Variants in PCNX1 observed in about 807,000 individuals in gnomAD.
The protein encoded by PCNX1 is pecanex-like protein 1.
Under a neutral mutation model 242.2 loss-of-function variants are expected in PCNX1, and 78 were observed. The observed-to-expected ratio is 0.32, with a 90% CI of 0.27 to 0.39. The LOEUF (loss-of-function observed/expected upper bound fraction) is 0.39. Ranked by LOEUF, PCNX1 falls within the 10% of genes least tolerant of loss-of-function variation. The pLI, the probability that PCNX1 is intolerant of heterozygous loss-of-function variation, is 1.00. For missense variants in PCNX1, 2,581 were observed against 2,856.5 expected (o/e 0.90, Z 2.20); for synonymous variants, 1,024 against 1,032.9 (o/e 0.99, Z 0.17).
intron 5 of PCNX1, among the ~76,000 whole-genome samples, chr14:70,973,212 C>T (rs2058592526): frequency 6.9e-6 from 1 of 145,726 alleles, no homozygotes; most frequent in South Asian, 2.1e-4. Context: ...ATGATTGCAG[C>T]ACTACACTCC....
At chr14:71,029,275 T>C (rs2060318901) in intron 16 of PCNX1, among the ~76,000 whole-genome samples, 1 of 152,182 alleles carries the variant, frequency 6.6e-6, no homozygotes. Context: ...CTTTAAAAGA[T>C]TGTCAACAAG....
chr14:70,986,150 A>G (rs1057496308), intron 6 of PCNX1, among the ~76,000 whole-genome samples: 1 of 152,224 alleles, frequency 6.6e-6, no homozygotes, highest in Non-Finnish European at 1.5e-5. Flanking sequence ...TCCCAGGGGC[A>G]TGGCTTAATC....
At chr14:71,025,151 G>A (rs1209072374) in intron 13 of PCNX1, among the ~76,000 whole-genome samples, 1 of 152,076 alleles carries the variant, frequency 6.6e-6, no homozygotes, top group African/African-American at 2.4e-5. Flanking sequence ...ATACTATAAG[G>A]AAGAGCTTTC....
At chr14:70,992,031 A>G (rs986396350) in intron 7 of PCNX1, among the ~76,000 whole-genome samples, 3 of 152,208 alleles carry the variant, frequency 2.0e-5, no homozygotes, top group African/African-American at 7.2e-5. Context: ...TATAATGCTT[A>G]TAAGAATATA....
chr14:71,019,203 G>T, intron 12 of PCNX1, 41 bp downstream of exon 12: 1 of 1,497,762 alleles, frequency 6.7e-7, no homozygotes, highest in South Asian at 1.3e-5. Flanking sequence ...AATTATATTT[G>T]TGTTAAAAGG....
chr14:70,973,735 G>T (rs1341877552), intron 5 of PCNX1, among the ~76,000 whole-genome samples: 1 of 151,810 alleles, frequency 6.6e-6, no homozygotes, highest in Non-Finnish European at 1.5e-5. Context: ...GAGAAAGAAG[G>T]TATGATTTTT....
intron 6 of PCNX1, among the ~76,000 whole-genome samples, chr14:70,984,675 C>T (rs1259744574): frequency 6.6e-6 from 1 of 151,998 alleles, no homozygotes; most frequent in African/African-American, 2.4e-5. Context: ...CGTGAGCCAC[C>T]GCGACCTGCC....
At position 71,067,793 on chromosome 14, in the gene PCNX1, C is replaced by G. The variant is rs150729639; in HGVS notation, c.4853-5752C>G. Among the ~76,000 whole-genome samples the G allele has an allele frequency of 3.2e-3, 481 of 152,130 alleles. 2 individuals carry two copies. Among genetic ancestry groups the G allele is most frequent in the Middle Eastern group, 0.01 (3 of 294 alleles). ...CTGCTTTAGCTGTGTCCCAGAGATTCTGGTACGTTGTGTCTTTGTTCTTAT... is the reference window on the plus strand; with the variant it reads ...CTGCTTTAGCTGTGTCCCAGAGATTGTGGTACGTTGTGTCTTTGTTCTTAT... On this transcript the variant is annotated intron_variant, in intron 26 of 35. Coordinates refer to ENST00000304743, the MANE Select transcript of PCNX1 (RefSeq NM_014982.3).
rs1039270790 is a variant in PCNX1, at chr14:70,941,242, T to G, written c.154-5673T>G. On this transcript the variant is annotated intron_variant, in intron 1 of 35. Coordinates refer to ENST00000304743, the MANE Select transcript of PCNX1 (RefSeq NM_014982.3). ...GAATTTTCATCTTTTCTGCTCTGGT[T>G]TCTCCCCATCTTTGTGGTTTTATCT... Among the ~76,000 whole-genome samples, 27 of 152,362 alleles carry G rather than the reference T, an allele frequency of 1.8e-4. No individual in the cohort carries two copies. In the South Asian group the frequency reaches 5.4e-3, roughly 30 times the overall value.
Position 70,968,250 on chromosome 14 carries a change from G to A in PCNX1, c.514+7G>A, listed in dbSNP as rs760566280. On this transcript the variant is annotated splice_region_variant and intron_variant, in intron 4 of 35. Coordinates refer to ENST00000304743, the MANE Select transcript of PCNX1 (RefSeq NM_014982.3). ...ACAGCAGCAACTATTAAAGGTAGGT[G>A]TGATCTAACTTAAAAGTTGCACCTG... 1.9e-6 allele frequency: 3 copies of A among 1,609,210 alleles called. No individual in the cohort carries two copies. The highest frequency in any genetic ancestry group is 2.6e-6 in the Non-Finnish European group (3 of 1,175,738).
At chr14:70,922,062 T>A (rs1306888084) in intron 1 of PCNX1, among the ~76,000 whole-genome samples, 1 of 152,208 alleles carries the variant, frequency 6.6e-6, no homozygotes, top group Non-Finnish European at 1.5e-5. Flanking sequence ...TAGGTTTTAG[T>A]TTAACTCATC....
chr14:71,010,211 A>G (rs1485126307), intron 9 of PCNX1, among the ~76,000 whole-genome samples: 1 of 152,112 alleles, frequency 6.6e-6, no homozygotes, highest in Non-Finnish European at 1.5e-5. Context: ...TATCCCGAAG[A>G]TCTTACAGTG....
At chr14:70,948,063 T>G (rs1450583501) in intron 2 of PCNX1, among the ~76,000 whole-genome samples, 1 of 152,176 alleles carries the variant, frequency 6.6e-6, no homozygotes. Context: ...GAACCCTGTT[T>G]CCTGTTAAGA....
chr14:71,060,380 AG>A (rs2061296596), intron 26 of PCNX1, among the ~76,000 whole-genome samples: 1 of 152,092 alleles, frequency 6.6e-6, no homozygotes, highest in African/African-American at 2.4e-5. Context: ...CCTTGTACTT[AG>A]AAAAAAAAGT....
chr14:71,025,835 TTCCAGTCTGGGCGACA>T (rs1305478191), intron 13 of PCNX1, among the ~76,000 whole-genome samples: 23 of 152,074 alleles, frequency 1.5e-4, no homozygotes, highest in Non-Finnish European at 1.5e-5. Context: ...CTCTACTGCA[TTCCAGTCTGGGCGACA>T]GAGTGAGACC....
intron 19 of PCNX1, among the ~76,000 whole-genome samples, chr14:71,041,121 A>G (rs1185249920): frequency 1.3e-5 from 2 of 152,206 alleles, no homozygotes; most frequent in Non-Finnish European, 2.9e-5. Context: ...TAATATGAAC[A>G]GTGCTGCAAC....
chr14:70,968,120 A>G, intron 3 of PCNX1, 78 bp from the exon 4 acceptor site: 1 of 963,008 alleles, frequency 1.0e-6, no homozygotes, highest in Non-Finnish European at 1.7e-6. Flanking sequence ...ATTTTGTTTG[A>G]TAATCTTGCT....
chr14:71,031,696 A>C, intron 16 of PCNX1: 1 of 819,320 alleles, frequency 1.2e-6, no homozygotes, highest in Non-Finnish European at 2.1e-6. Flanking sequence ...CATGAGCCCC[A>C]GAGCTAAGTG....
intron 1 of PCNX1, among the ~76,000 whole-genome samples, chr14:70,941,223 T>G (rs1162737055): frequency 6.6e-6 from 1 of 152,346 alleles, no homozygotes; most frequent in Non-Finnish European, 1.5e-5. Context: ...TTTAGAATTT[T>G]CATCTTTTCT....
Sources: allele counts gnomAD v4.1 joint callset (sites outside exome capture counted in the v4.1 genomes callset), GRCh38; gene constraint gnomAD v4.1.1; transcripts MANE v1.5; gene names NCBI Gene and HGNC (gene_info 2026-07-23, HGNC 2026-07-21).